Variants in C3orf20 observed in about 807,000 individuals in gnomAD.
C3orf20 encodes the protein uncharacterized protein C3orf20.
In C3orf20, 76 loss-of-function variants were observed where a neutral mutation model predicts 88.3. The ratio of observed to expected loss-of-function variants is 0.86; its 90% CI spans 0.72 to 1.04. The LOEUF (loss-of-function observed/expected upper bound fraction) is 1.04. Ranked by LOEUF, C3orf20 falls within the 50% of genes least tolerant of loss-of-function variation. The pLI, the probability that C3orf20 is intolerant of heterozygous loss-of-function variation, is 0.00. For synonymous variants in C3orf20, 436 were observed against 437.4 expected (o/e 1.00, Z 0.04); for missense variants, 1,056 against 1,123.3 (o/e 0.94, Z 0.86).
chr3:14,691,959 T>C (rs1225317305), intron 5 of C3orf20, among the ~76,000 whole-genome samples: 2 of 152,220 alleles, frequency 1.3e-5, no homozygotes. Flanking sequence ...TTAATTGTTT[T>C]AATTTTTAGC....
chr3:14,744,256 A>G (rs575352831), intron 12 of C3orf20, among the ~76,000 whole-genome samples: 1 of 152,096 alleles, frequency 6.6e-6, no homozygotes, highest in African/African-American at 2.4e-5. Flanking sequence ...ACAAATCTCT[A>G]GGGCAGGGGC....
chr3:14,771,687 G>C (rs891200712), intron 15 of C3orf20, among the ~76,000 whole-genome samples: 2 of 152,168 alleles, frequency 1.3e-5, no homozygotes, highest in Non-Finnish European at 2.9e-5. Flanking sequence ...TGGGGTTTAG[G>C]ACTTCTACAT....
intron 12 of C3orf20, among the ~76,000 whole-genome samples, chr3:14,749,930 G>A (rs2035172107): frequency 2.0e-5 from 3 of 150,832 alleles, no homozygotes; most frequent in Non-Finnish European, 2.9e-5. Context: ...ACGTCTTTAT[G>A]CATTGTGTGC....
rs182193836 is a variant in C3orf20, at chr3:14,733,048, T to C, written c.1940+4360T>C. Among the ~76,000 whole-genome samples, 816 of 152,342 alleles carry C rather than the reference T, an allele frequency of 5.4e-3. 7 individuals carry two copies. The highest frequency in any genetic ancestry group is 0.014 in the Middle Eastern group (4 of 294). ...GGTGAATTACTTTGATTTCAAATGTTGAACCAGTCTTGCATTCCTGGGATA... is the reference window on the plus strand; with the variant it reads ...GGTGAATTACTTTGATTTCAAATGTCGAACCAGTCTTGCATTCCTGGGATA... On this transcript the variant is annotated intron_variant, in intron 12 of 16. Coordinates refer to ENST00000253697, the MANE Select transcript of C3orf20 (RefSeq NM_032137.5).
chr3:14,719,284 A>G (rs2034060073), intron 9 of C3orf20, among the ~76,000 whole-genome samples: 1 of 152,138 alleles, frequency 6.6e-6, no homozygotes, highest in Admixed American at 6.6e-5. Context: ...GACTGGAGAG[A>G]GACCAGTGGG....
intron 5 of C3orf20, among the ~76,000 whole-genome samples, chr3:14,699,071 G>T (rs1335123123): frequency 6.6e-6 from 1 of 152,134 alleles, no homozygotes; most frequent in Non-Finnish European, 1.5e-5. Flanking sequence ...TCCATGGGGA[G>T]TACTGCCAGC....
At chr3:14,720,725 T>C (rs2034128390) in intron 9 of C3orf20, among the ~76,000 whole-genome samples, 1 of 152,238 alleles carries the variant, frequency 6.6e-6, no homozygotes, top group East Asian at 1.9e-4. Context: ...TAAATTGTGC[T>C]CTGCACATGC....
chr3:14,684,143 A>G lies in C3orf20; in HGVS notation c.485-99A>G, dbSNP rs765581958. 3.6e-4 allele frequency: 537 copies of G among 1,472,164 alleles called. 1 individual carries two copies. The highest frequency in any genetic ancestry group is 6.8e-4 in the South Asian group (53 of 78,228). 91.2% of individuals were successfully genotyped at this position (1,472,164 alleles called of 1,614,324 possible). On this transcript the variant is annotated intron_variant, in intron 3 of 16. Coordinates refer to ENST00000253697, the MANE Select transcript of C3orf20 (RefSeq NM_032137.5). Reference sequence around the variant, plus strand: ...CTGCATACCCTAGGAATAGCGCTCTACTCTACCCTTCTTTCCTGGGCCATT... The same window carrying G: ...CTGCATACCCTAGGAATAGCGCTCTGCTCTACCCTTCTTTCCTGGGCCATT...
At chr3:14,692,884 A>G (rs1415559518) in intron 5 of C3orf20, among the ~76,000 whole-genome samples, 2 of 152,208 alleles carry the variant, frequency 1.3e-5, no homozygotes. Flanking sequence ...TTAAGTCTTC[A>G]ATCCATTTTG....
intron 12 of C3orf20, among the ~76,000 whole-genome samples, chr3:14,745,567 A>G (rs1360783455): frequency 6.6e-6 from 1 of 152,220 alleles, no homozygotes; most frequent in African/African-American, 2.4e-5. Context: ...TATTACAAGC[A>G]ATGGAGGTAG....
chr3:14,766,983 A>G (rs2035730492), intron 15 of C3orf20: 1 of 152,386 alleles, frequency 6.6e-6, no homozygotes, highest in Non-Finnish European at 1.5e-5. Context: ...ACTGTGGAAG[A>G]TGTCTTGGAG....
intron 12 of C3orf20, among the ~76,000 whole-genome samples, chr3:14,746,741 T>C (rs1431408629): frequency 1.3e-5 from 2 of 152,176 alleles, no homozygotes; most frequent in African/African-American, 4.8e-5. Flanking sequence ...CTTTGGGCAG[T>C]TTTGCCTGGA....
At chr3:14,703,621 G>T (rs910338578) in intron 6 of C3orf20, among the ~76,000 whole-genome samples, 4 of 152,226 alleles carry the variant, frequency 2.6e-5, no homozygotes, top group African/African-American at 9.6e-5. Context: ...TCCTGCCCCT[G>T]CCCAGCAATG....
chr3:14,739,859 T>C (rs144846267), intron 12 of C3orf20, among the ~76,000 whole-genome samples: 31 of 152,362 alleles, frequency 2.0e-4, no homozygotes, highest in African/African-American at 6.3e-4. Context: ...TAGATTACGA[T>C]TTTTCCTTTG....
At chr3:14,742,235 A>G (rs1257485569) in intron 12 of C3orf20, among the ~76,000 whole-genome samples, 1 of 152,236 alleles carries the variant, frequency 6.6e-6, no homozygotes, top group Admixed American at 6.5e-5. Flanking sequence ...GGGAAAAGAG[A>G]ATTTTAAATT....
Position 14,703,163 on chromosome 3 carries a change from C to T in C3orf20, c.779C>T (p.Pro260Leu), listed in dbSNP as rs542764490. Residue 260 changes from proline (P) to leucine (L), a missense_variant, in exon 6 of 17, where the codon CCG (proline) becomes CTG (leucine). Transcript: ENST00000253697. The stretch of plus-strand genomic sequence containing the variant: ...AGAACTACAGAAGATGTCAGCATGC[C>T]GCCCCTGCATCGAGGAGTGGGAACC... The part of the protein sequence containing the change: ...KSRTTEDVSM[P>L]PLHRGVGTPA... The T allele has an allele frequency of 1.3e-5, 21 of 1,614,158 alleles. No homozygotes were observed. In the East Asian group the frequency reaches 1.6e-4, roughly 12 times the overall value.
chr3:14,736,318 T>C (rs1478228710), intron 12 of C3orf20, among the ~76,000 whole-genome samples: 1 of 148,042 alleles, frequency 6.8e-6, no homozygotes, highest in Non-Finnish European at 1.5e-5. Context: ...TGAGACAGAG[T>C]CTTGCTCTGT....
chr3:14,759,775 G>C, intron 13 of C3orf20, 116 bp from the exon 14 acceptor site: 1 of 775,182 alleles, frequency 1.3e-6, no homozygotes, highest in Non-Finnish European at 2.2e-6. Context: ...GTTGGGGAGA[G>C]GGAGTTGTAC....
chr3:14,711,627 CTTTTTTTTTTTT>C (rs35966332), intron 7 of C3orf20, among the ~76,000 whole-genome samples: 1 of 72,626 alleles, frequency 1.4e-5, no homozygotes, highest in African/African-American at 4.8e-5. Flanking sequence ...ATCCTGCCAG[CTTTTTTTTTTTT>C]TTTTTTTTTT....
Sources: gnomAD v4.1 joint callset for allele counts (sites outside exome capture counted in the v4.1 genomes callset) on GRCh38, gnomAD v4.1.1 for gene constraint, MANE v1.5 for transcripts, NCBI Gene and HGNC (gene_info 2026-07-23, HGNC 2026-07-21) for gene names.